NEURL1: variants seen among roughly 807,000 people sequenced by gnomAD.
NEURL1 encodes the protein neuralized E3 ubiquitin protein ligase 1, also known as E3 ubiquitin-protein ligase NEURL1.
In NEURL1, 26 loss-of-function variants were observed where a neutral mutation model predicts 41.2. The ratio of observed to expected loss-of-function variants is 0.63; its 90% CI spans 0.46 to 0.87. The LOEUF is 0.87. NEURL1 is among the 40% of genes least tolerant of loss of function. The probability of loss-of-function intolerance (pLI) is 0.00; values close to 1 mark genes in which losing one functional copy is unlikely to be tolerated. For synonymous variants in NEURL1, 400 were observed against 402.3 expected (o/e 0.99, Z 0.07); for missense variants, 761 against 871.1 (o/e 0.87, Z 1.59).
intron 1 of NEURL1, among the ~76,000 whole-genome samples, chr10:103,546,872 G>A (rs1592212315): frequency 6.6e-6 from 1 of 152,210 alleles, no homozygotes; most frequent in African/African-American, 2.4e-5. Flanking sequence ...AGAGGAAGAA[G>A]CCCCCAGATA....
chr10:103,561,560 G>T (rs1038014535), intron 1 of NEURL1, among the ~76,000 whole-genome samples: 1 of 152,120 alleles, frequency 6.6e-6, no homozygotes, highest in African/African-American at 2.4e-5. Flanking sequence ...CACTGCACCA[G>T]CCACTTCCTC....
intron 1 of NEURL1, among the ~76,000 whole-genome samples, chr10:103,519,776 G>T (rs1194406141): frequency 4.0e-4 from 43 of 108,554 alleles, no homozygotes; most frequent in African/African-American, 1.3e-3. Flanking sequence ...GTTTTTTGTT[G>T]TTGTTGTTGT....
chr10:103,568,612 A>G (rs1437374540), intron 1 of NEURL1, among the ~76,000 whole-genome samples: 2 of 152,112 alleles, frequency 1.3e-5, no homozygotes, highest in Non-Finnish European at 2.9e-5. Context: ...ATGAGTTTTG[A>G]CATAGTGTAC....
chr10:103,507,627 A>G (rs992634811), intron 1 of NEURL1, among the ~76,000 whole-genome samples: 8 of 151,838 alleles, frequency 5.3e-5, no homozygotes, highest in African/African-American at 1.9e-4. Flanking sequence ...CACACTTGGG[A>G]CCTGTGCTCC....
rs2036020785 is a variant in NEURL1, at chr10:103,590,600, C to T, written c.*228C>T. The T allele has an allele frequency of 3.5e-6, 2 of 568,558 alleles. No homozygotes were observed. The highest frequency in any genetic ancestry group is 4.1e-5 in the South Asian group (2 of 48,364). 35.2% of individuals were successfully genotyped at this position (568,558 alleles called of 1,614,324 possible). On this transcript the variant is annotated 3_prime_UTR_variant, in exon 6 of 6. Coordinates refer to ENST00000369780, the MANE Select transcript of NEURL1 (RefSeq NM_004210.5). ...AGGGAGGGGAGGAGAGGAGGCCGCA[C>T]TCTCCCTGTCTCTCCCGTCTCTGCA...
chr10:103,527,899 A>G (rs796816952), intron 1 of NEURL1, among the ~76,000 whole-genome samples: 10 of 152,174 alleles, frequency 6.6e-5, no homozygotes, highest in South Asian at 4.1e-4. Context: ...TCTTGTATTT[A>G]GAGTAGAGAG....
intron 1 of NEURL1, among the ~76,000 whole-genome samples, chr10:103,569,862 C>G (rs542048913): frequency 6.6e-6 from 1 of 152,166 alleles, no homozygotes; most frequent in Admixed American, 6.5e-5. Context: ...CCTGGGGCTT[C>G]GGAGACTGCT....
At chr10:103,548,039 C>G (rs1328987266) in intron 1 of NEURL1, among the ~76,000 whole-genome samples, 1 of 152,092 alleles carries the variant, frequency 6.6e-6, no homozygotes, top group African/African-American at 2.4e-5. Flanking sequence ...TCAGACCCTG[C>G]TAATTTATCA....
At chr10:103,523,567 T>G (rs2034400424) in intron 1 of NEURL1, among the ~76,000 whole-genome samples, 1 of 152,202 alleles carries the variant, frequency 6.6e-6, no homozygotes, top group Non-Finnish European at 1.5e-5. Flanking sequence ...TAGCTGTGCT[T>G]CTGAATCTGT....
chr10:103,503,081 C>G (rs1382476743), intron 1 of NEURL1, among the ~76,000 whole-genome samples: 6 of 152,242 alleles, frequency 3.9e-5, no homozygotes, highest in Admixed American at 3.9e-4. Flanking sequence ...TCCCAAATAG[C>G]CTGGGCTGCC....
At chr10:103,503,138 T>A (rs1228318170) in intron 1 of NEURL1, among the ~76,000 whole-genome samples, 1 of 152,154 alleles carries the variant, frequency 6.6e-6, no homozygotes, top group Non-Finnish European at 1.5e-5. Context: ...CTGTGGAGCC[T>A]GTGGGTCCCG....
At position 103,571,301 on chromosome 10, in the gene NEURL1, A is replaced by ACAAG. The variant is rs138422068; in HGVS notation, c.327+189_327+192dup. Among the ~76,000 whole-genome samples the ACAAG allele has an allele frequency of 1.0e-2, 1,518 of 152,076 alleles. 25 individuals are homozygous for ACAAG. The highest frequency in any genetic ancestry group is 0.035 in the African/African-American group (1,455 of 41,486). On this transcript the variant is annotated intron_variant, in intron 2 of 5. Transcript: ENST00000369780. ...ATGCCTTTCTCAACCTCCCTGTGTG[A>ACAAG]CAAGGAAGGAACCGGGAGGGCGGTG...
intron 1 of NEURL1, among the ~76,000 whole-genome samples, chr10:103,554,049 A>G (rs947292986): frequency 6.6e-6 from 1 of 152,220 alleles, no homozygotes; most frequent in Non-Finnish European, 1.5e-5. Flanking sequence ...TGTAAAACAG[A>G]TATCATCATA....
chr10:103,548,106 A>C (rs1019203359), intron 1 of NEURL1, among the ~76,000 whole-genome samples: 5 of 152,098 alleles, frequency 3.3e-5, no homozygotes, highest in African/African-American at 9.7e-5. Context: ...CTATTCCTGA[A>C]CAAAAATGCA....
chr10:103,535,450 G>A (rs1348386563), intron 1 of NEURL1, among the ~76,000 whole-genome samples: 1 of 152,168 alleles, frequency 6.6e-6, no homozygotes, highest in Non-Finnish European at 1.5e-5. Context: ...CCAGGAGCTG[G>A]TGTGCTGCTT....
chr10:103,581,604 C>T (rs1314533791), intron 3 of NEURL1, among the ~76,000 whole-genome samples: 1 of 152,174 alleles, frequency 6.6e-6, no homozygotes, highest in Non-Finnish European at 1.5e-5. Flanking sequence ...AACTGTGCTC[C>T]TGTCCTGCCT....
intron 1 of NEURL1, among the ~76,000 whole-genome samples, chr10:103,570,574 GAGGGTGGT>G (rs2035517434): frequency 6.7e-6 from 1 of 150,156 alleles, no homozygotes; most frequent in Non-Finnish European, 1.5e-5. Context: ...GTGAGAGGCA[GAGGGTGGT>G]AAATACTAGT....
chr10:103,590,201 C>T lies in NEURL1; in HGVS notation c.1554C>T (p.Ser518=), dbSNP rs771314363. ...TGACCCCAGGTCTGGGCCAGTGGAG[C>T]GATGAGTGCACCATTTGCTATGAAC... The part of the protein sequence containing the change: ...SPVTPGLGQW[S]DECTICYEHA... Residue 518 remains serine, a synonymous_variant, in exon 6 of 6, where the codon AGC becomes AGT. Coordinates refer to ENST00000369780, the MANE Select transcript of NEURL1 (RefSeq NM_004210.5). 2.0e-5 allele frequency: 32 copies of T among 1,614,078 alleles called. No individual in the cohort carries two copies. Among genetic ancestry groups the T allele is most frequent in the African/African-American group, 6.7e-5 (5 of 74,932 alleles).
chr10:103,521,445 G>C (rs536617359), intron 1 of NEURL1, among the ~76,000 whole-genome samples: 1 of 152,166 alleles, frequency 6.6e-6, no homozygotes, highest in South Asian at 2.1e-4. Flanking sequence ...AGTCCTGGGC[G>C]GGGGCAAATC....
Sources: gnomAD v4.1 joint callset for allele counts (sites outside exome capture counted in the v4.1 genomes callset) on GRCh38, gnomAD v4.1.1 for gene constraint, MANE v1.5 for transcripts, NCBI Gene and HGNC (gene_info 2026-07-23, HGNC 2026-07-21) for gene names.